Variants in POLR3B observed in about 807,000 individuals in gnomAD.
POLR3B encodes RNA polymerase III subunit B.
Under a neutral mutation model 147.4 loss-of-function variants are expected in POLR3B, and 96 were observed. The ratio of observed to expected loss-of-function variants is 0.65; its 90% CI spans 0.55 to 0.77. The LOEUF (loss-of-function observed/expected upper bound fraction) is 0.77. POLR3B is among the 30% of genes least tolerant of loss of function. The pLI is 0.00. For synonymous variants in POLR3B, 461 were observed against 485.9 expected, an observed-to-expected ratio of 0.95 and a Z score of 0.67; for missense variants, 1,036 against 1,413.5, an observed-to-expected ratio of 0.73 and a Z score of 4.28.
At chr12:106,409,496 C>G (rs1215954246) in intron 11 of POLR3B, among the ~76,000 whole-genome samples, 1 of 151,384 alleles carries the variant, frequency 6.6e-6, no homozygotes, top group Non-Finnish European at 1.5e-5. Context: ...AAACACATTT[C>G]TTTTAACACA....
intron 23 of POLR3B, among the ~76,000 whole-genome samples, chr12:106,466,037 C>T (rs1235460619): frequency 6.6e-6 from 1 of 152,144 alleles, no homozygotes; most frequent in East Asian, 1.9e-4. Flanking sequence ...CACTGTCTTC[C>T]ACAATGACTG....
chr12:106,361,740 G>A (rs771880817), intron 1 of POLR3B, among the ~76,000 whole-genome samples: 9 of 152,114 alleles, frequency 5.9e-5, no homozygotes, highest in African/African-American at 9.7e-5. Flanking sequence ...AAAAGACATC[G>A]CCAGGGATAG....
chr12:106,408,008 A>G (rs2037172598), intron 11 of POLR3B, among the ~76,000 whole-genome samples: 1 of 152,130 alleles, frequency 6.6e-6, no homozygotes, highest in South Asian at 2.1e-4. Flanking sequence ...ATAAAGGATG[A>G]TTTTCAGTGA....
chr12:106,502,594 G>T (rs1035996433), intron 26 of POLR3B, among the ~76,000 whole-genome samples: 1 of 152,174 alleles, frequency 6.6e-6, no homozygotes, highest in Non-Finnish European at 1.5e-5. Context: ...GCAAGGATGA[G>T]GCAGCTCATG....
rs2036591764 is a variant in POLR3B, at chr12:106,370,623, G to GTTT, written c.404+942_404+944dup. 3.6e-5 allele frequency among the ~76,000 whole-genome samples: 5 copies of GTTT among 140,370 alleles called. 1 individual carries two copies. The highest frequency in any genetic ancestry group is 1.1e-4 in the African/African-American group (4 of 37,832). The allele number at this position is 140,370 out of a possible 152,430, so 92.1% of individuals were successfully genotyped here. On this transcript the variant is annotated intron_variant, in intron 6 of 27. Coordinates refer to ENST00000228347, the MANE Select transcript of POLR3B (RefSeq NM_018082.6). Reference sequence around the variant, plus strand: ...AGGACTGTTTATCAGTGTTTTTTTTGTTTTATTGTTTTTTTTTTTTTTTTT... The same window carrying GTTT: ...AGGACTGTTTATCAGTGTTTTTTTTGTTTTTTTATTGTTTTTTTTTTTTTTTTT...
At chr12:106,396,083 AGAAAGTACTAGCTGTAGCGGGGGATAG>A (rs2036974906) in intron 10 of POLR3B, among the ~76,000 whole-genome samples, 2 of 152,148 alleles carry the variant, frequency 1.3e-5, no homozygotes, top group Non-Finnish European at 2.9e-5. Flanking sequence ...TATATAGAGA[AGAAAGTACTAGCTGTAGCGGGGGATAG>A]GAGGCACTAG....
chr12:106,495,850 G>A (rs765532184), intron 23 of POLR3B: 12 of 667,862 alleles, frequency 1.8e-5, no homozygotes, highest in South Asian at 8.4e-5. Flanking sequence ...TCCACAGGCT[G>A]CAGTGCCTTT....
chr12:106,376,217 A>G (rs2036676425), intron 6 of POLR3B, 142 bp from the exon 7 acceptor site: 1 of 681,302 alleles, frequency 1.5e-6, no homozygotes, highest in Non-Finnish European at 2.6e-6. Context: ...GCTTCCATGT[A>G]ATTGCTATTT....
chr12:106,485,490 A>G (rs1342803065), intron 23 of POLR3B, among the ~76,000 whole-genome samples: 1 of 152,210 alleles, frequency 6.6e-6, no homozygotes, highest in Non-Finnish European at 1.5e-5. Context: ...AGACCATTGC[A>G]GTGGTCCAGG....
At chr12:106,460,466 A>G (rs1358198950) in intron 22 of POLR3B, among the ~76,000 whole-genome samples, 1 of 152,192 alleles carries the variant, frequency 6.6e-6, no homozygotes, top group African/African-American at 2.4e-5. Flanking sequence ...AAGTCATGCA[A>G]TCTGGCTTCA....
intron 18 of POLR3B, among the ~76,000 whole-genome samples, chr12:106,442,715 A>G (rs1299178382): frequency 6.6e-6 from 1 of 150,600 alleles, no homozygotes; most frequent in East Asian, 1.9e-4. Flanking sequence ...GGTTTCTTGG[A>G]CATCACTTCA....
chr12:106,433,121 C>CT (rs2037531833), intron 15 of POLR3B, among the ~76,000 whole-genome samples: 1 of 152,128 alleles, frequency 6.6e-6, no homozygotes, highest in South Asian at 2.1e-4. Context: ...GGCATTAACT[C>CT]TTTTTTATAT....
At chr12:106,437,859 T>G (rs2037598555) in intron 18 of POLR3B, 80 bp downstream of exon 18, 5 of 794,514 alleles carry the variant, frequency 6.3e-6, no homozygotes, top group Non-Finnish European at 1.1e-5. Flanking sequence ...TCATCTTCAG[T>G]CCTTCTATCT....
intron 6 of POLR3B, 65 bp from the exon 7 acceptor site, chr12:106,376,294 A>AT: frequency 8.9e-7 from 1 of 1,126,618 alleles, no homozygotes; most frequent in Non-Finnish European, 1.3e-6. Context: ...CATGTTTTGT[A>AT]TTTTTTGCAG....
intron 25 of POLR3B, chr12:106,500,157 G>GT (rs1341366310): frequency 2.2e-6 from 1 of 455,876 alleles, no homozygotes; most frequent in Non-Finnish European, 4.4e-6. Flanking sequence ...TGTGGATTAA[G>GT]TAGCACATGG....
intron 12 of POLR3B, among the ~76,000 whole-genome samples, chr12:106,417,382 T>C (rs10861600): frequency 0.24 from 36,357 of 152,026 alleles, 5,946 homozygotes; most frequent in East Asian, 0.71. Context: ...GGCTGGATCA[T>C]CTGGAGCCCT....
intron 12 of POLR3B, among the ~76,000 whole-genome samples, chr12:106,423,896 G>T (rs1469486812): frequency 6.7e-6 from 1 of 148,236 alleles, no homozygotes; most frequent in African/African-American, 2.5e-5. Context: ...TTGCTCTGTT[G>T]CCCAGGCTAG....
At chr12:106,400,019 A>G (rs1482004194) in intron 10 of POLR3B, among the ~76,000 whole-genome samples, 1 of 152,216 alleles carries the variant, frequency 6.6e-6, no homozygotes, top group African/African-American at 2.4e-5. Flanking sequence ...AAATGCTCCA[A>G]TTAAAAGACA....
At chr12:106,398,008 C>T (rs554316260) in intron 10 of POLR3B, among the ~76,000 whole-genome samples, 3 of 152,180 alleles carry the variant, frequency 2.0e-5, no homozygotes, top group South Asian at 2.1e-4. Context: ...TGCAGCGCAC[C>T]GTGCGTGAGC....
Sources: allele counts gnomAD v4.1 joint callset (sites outside exome capture counted in the v4.1 genomes callset), GRCh38; gene constraint gnomAD v4.1.1; transcripts MANE v1.5; gene names NCBI Gene and HGNC (gene_info 2026-07-23, HGNC 2026-07-21).